The following SLC5A5 variants were observed in gnomAD, a reference collection of about 807,000 sequenced individuals.
The protein encoded by SLC5A5 is sodium/iodide cotransporter.
A neutral mutation model predicts 68.6 loss-of-function variants in SLC5A5; 56 were observed. The observed-to-expected ratio is 0.82, with a 90% CI of 0.66 to 1.02. The LOEUF (loss-of-function observed/expected upper bound fraction) is 1.02, where lower values mean the gene tolerates loss of function less well. Among genes scored for constraint, SLC5A5 ranks in the 50% least tolerant of loss-of-function variants. The pLI, the probability that SLC5A5 is intolerant of heterozygous loss-of-function variation, is 0.00. For synonymous variants in SLC5A5, 398 were observed against 373.0 expected, an observed-to-expected ratio of 1.07 and a Z score of -0.77; for missense variants, 807 against 859.8, an observed-to-expected ratio of 0.94 and a Z score of 0.77.
At chr19:17,890,483 T>C (rs2030124207) in intron 13 of SLC5A5, among the ~76,000 whole-genome samples, 1 of 151,760 alleles carries the variant, frequency 6.6e-6, no homozygotes, top group Non-Finnish European at 1.5e-5. Flanking sequence ...CCTCGACCTC[T>C]TGGGCTCAAG....
rs921276817 is a variant in SLC5A5 at position 17,876,058 on chromosome 19, G to A, written c.650G>A (p.Arg217His). Residue 217 changes from arginine (R) to histidine (H), a missense_variant, in exon 5 of 15, where the codon CGC becomes CAC. By Grantham distance (29) the Arg-to-His change is conservative (BLOSUM62 0). Transcript: ENST00000222248. ...GGTGTCATGCTTGTGGGCGGGCCCC[G>A]CCAGGTGCTCACGCTGGCCCAGAAC... ...ARGVMLVGGP[R>H]QVLTLAQNHS... is the part of the protein sequence containing the mutation. The A allele has an allele frequency of 8.7e-6, 14 of 1,614,034 alleles. No homozygotes were observed. In the South Asian group the frequency reaches 1.1e-4, roughly 13 times the overall value.
Position 17,877,759 on chromosome 19 carries a change from G to A in SLC5A5, c.735G>A (p.Trp245Ter). The A allele has an allele frequency of 6.2e-7, 1 of 1,614,240 alleles. No individual in the cohort carries two copies. Among genetic ancestry groups the A allele is most frequent in the Non-Finnish European group, 8.5e-7 (1 of 1,180,042 alleles). ...ACCCGAGGAGCCGCTATACATTCTG[G>A]ACTTTTGTGGTGGGTGGCACGTTGG... Reference protein sequence around the residue: ...NPDPRSRYTFWTFVVGGTLVW... With the variant: ...NPDPRSRYTF Residue 245 changes from tryptophan (W) to a stop codon, truncating the protein, a stop_gained, in exon 6 of 15, where the codon TGG becomes TGA. Transcript: ENST00000222248. LOFTEE classifies it high-confidence loss of function.
chr19:17,876,957 G>A (rs1349253036), intron 5 of SLC5A5, among the ~76,000 whole-genome samples: 20 of 151,404 alleles, frequency 1.3e-4, no homozygotes. Context: ...CTTGAACCCA[G>A]GAGGCGGAGG....
In SLC5A5 at chr19:17,893,889, G is replaced by A; in HGVS notation, c.*12G>A. 2 of 1,554,772 alleles carry A rather than the reference G, an allele frequency of 1.3e-6. No homozygotes were observed. Among genetic ancestry groups the A allele is most frequent in the Non-Finnish European group, 1.7e-6 (2 of 1,148,044 alleles). The stretch of plus-strand genomic sequence containing the variant: ...AGACAAACCTCTGAGGACAGGGCCA[G>A]CCGCGGGACTGACACCCTGGGATGG... On this transcript the variant is annotated 3_prime_UTR_variant, in exon 15 of 15. Transcript: ENST00000222248.
intron 6 of SLC5A5, 36 bp from the exon 7 acceptor site, chr19:17,877,928 G>A (rs2094311459): frequency 1.2e-6 from 2 of 1,613,822 alleles, no homozygotes; most frequent in Non-Finnish European, 1.7e-6. Flanking sequence ...CCAGCCTGAG[G>A]CTATCCCCTA....
chr19:17,878,489 A>G (rs2094312891), intron 7 of SLC5A5, among the ~76,000 whole-genome samples: 1 of 151,614 alleles, frequency 6.6e-6, no homozygotes, highest in South Asian at 2.1e-4. Context: ...TGGATGACAG[A>G]GTGAGACTCT....
At chr19:17,881,867 G>T (rs139976263) in intron 8 of SLC5A5, 93 bp from the exon 9 acceptor site, 1 of 916,658 alleles carries the variant, frequency 1.1e-6, no homozygotes, top group African/African-American at 1.6e-5. Flanking sequence ...TACCCCCACC[G>T]TTGCCCTCAG....
Position 17,877,766 on chromosome 19 carries a change from G to C in SLC5A5, c.742G>C (p.Val248Leu), listed in dbSNP as rs776946606. The C allele has an allele frequency of 6.2e-6, 10 of 1,614,110 alleles. No homozygotes were observed. The East Asian group carries it at 2.0e-4, about 32-fold the overall frequency. ...GAGCCGCTATACATTCTGGACTTTTGTGGTGGGTGGCACGTTGGTGTGGCT... is the reference window on the plus strand; with the variant it reads ...GAGCCGCTATACATTCTGGACTTTTCTGGTGGGTGGCACGTTGGTGTGGCT... ...PRSRYTFWTF[V>L]VGGTLVWLSM... The change falls in exon 6 of 15, where the codon GTG becomes CTG. Residue 248 changes from valine to leucine, a missense_variant. Coordinates refer to ENST00000222248, the MANE Select transcript of SLC5A5 (RefSeq NM_000453.3).
chr19:17,884,165 A>C (rs1013206721), intron 12 of SLC5A5, 119 bp downstream of exon 12: 9 of 920,122 alleles, frequency 9.8e-6, no homozygotes, highest in East Asian at 5.3e-5. Context: ...TTCCTGGGGG[A>C]GGGAACGGTA....
At chr19:17,877,578 G>T in intron 5 of SLC5A5, 145 bp from the exon 6 acceptor site, 1 of 1,021,062 alleles carries the variant, frequency 9.8e-7, no homozygotes, top group Non-Finnish European at 1.5e-6. Flanking sequence ...AAAGTGCTGG[G>T]ATTACAGGCA....
At chr19:17,883,530 G>GC in intron 10 of SLC5A5, 151 bp from the exon 11 acceptor site, 1 of 728,104 alleles carries the variant, frequency 1.4e-6, no homozygotes, top group Non-Finnish European at 2.5e-6. Context: ...CAAGGGGGGG[G>GC]GGTCCTCTCC....
At chr19:17,876,748 G>A (rs571126905) in intron 5 of SLC5A5, among the ~76,000 whole-genome samples, 4 of 152,210 alleles carry the variant, frequency 2.6e-5, no homozygotes, top group South Asian at 4.1e-4. Context: ...TGTAATCCCA[G>A]CTACTCAGGA....
At chr19:17,890,686 C>G (rs1344382078) in intron 13 of SLC5A5, among the ~76,000 whole-genome samples, 200 bp from the exon 14 acceptor site, 1 of 152,138 alleles carries the variant, frequency 6.6e-6, no homozygotes, top group Non-Finnish European at 1.5e-5. Flanking sequence ...CATACCTGGC[C>G]TCACTGATGT....
At chr19:17,885,216 G>C (rs1490028946) in intron 12 of SLC5A5, among the ~76,000 whole-genome samples, 1 of 151,902 alleles carries the variant, frequency 6.6e-6, no homozygotes, top group Admixed American at 6.6e-5. Flanking sequence ...TGGCTATGTT[G>C]CCCAGGCTGG....
At chr19:17,878,708 G>A (rs1416213272) in intron 7 of SLC5A5, among the ~76,000 whole-genome samples, 1 of 151,958 alleles carries the variant, frequency 6.6e-6, no homozygotes, top group Non-Finnish European at 1.5e-5. Context: ...GGGCATGTTG[G>A]CTCACGCCTG....
chr19:17,884,070 G>A, intron 12 of SLC5A5, 24 bp downstream of exon 12: 1 of 1,531,744 alleles, frequency 6.5e-7, no homozygotes, highest in East Asian at 2.4e-5. Flanking sequence ...AGGGTAGGGG[G>A]GTACCCGAGC....
rs58081153 is a variant in SLC5A5 at position 17,892,652 on chromosome 19, C to CAGAGAGAGAGAGAGAG, written c.1768-1030_1768-1015dup. 4.3e-3 allele frequency among the ~76,000 whole-genome samples: 417 copies of CAGAGAGAGAGAGAGAG among 97,368 alleles called. 25 individuals are homozygous for CAGAGAGAGAGAGAGAG. Among genetic ancestry groups the CAGAGAGAGAGAGAGAG allele is most frequent in the Admixed American group, 6.0e-3 (47 of 7,860 alleles). 63.9% of individuals were successfully genotyped at this position (97,368 alleles called of 152,430 possible). Reference sequence around the variant, plus strand: ...GACACTGTCAGAAAGAAAGAAAAGACAGAGAGAGAGAGAGAGAGAGAGAGA... The same window carrying CAGAGAGAGAGAGAGAG: ...GACACTGTCAGAAAGAAAGAAAAGACAGAGAGAGAGAGAGAGAGAGAGAGAGAGAGAGAGAGAGAGA... On this transcript the variant is annotated intron_variant, in intron 14 of 14. Transcript: ENST00000222248.
intron 7 of SLC5A5, among the ~76,000 whole-genome samples, chr19:17,879,710 T>TAACTTCAGGGAGGGACTGTAC (rs2094316223): frequency 6.6e-6 from 1 of 152,112 alleles, no homozygotes; most frequent in African/African-American, 2.4e-5. Flanking sequence ...CTGGACTGTG[T>TAACTTCAGGGAGGGACTGTAC]AACTTCAGGG....
At chr19:17,873,127 T>TTA in intron 1 of SLC5A5, among the ~76,000 whole-genome samples, 1 of 152,298 alleles carries the variant, frequency 6.6e-6, no homozygotes, top group Non-Finnish European at 1.5e-5. Flanking sequence ...AATGGGCGAA[T>TTA]TACAGGACCT....
Sources: allele counts gnomAD v4.1 joint callset (sites outside exome capture counted in the v4.1 genomes callset), GRCh38; gene constraint gnomAD v4.1.1; transcripts MANE v1.5; gene names NCBI Gene and HGNC (gene_info 2026-07-23, HGNC 2026-07-21).